The following SMARCC2 variants were observed in gnomAD, a reference collection of about 807,000 sequenced individuals.
SMARCC2 encodes the protein SWI/SNF complex subunit SMARCC2.
In SMARCC2, 15 loss-of-function variants were observed where a neutral mutation model predicts 151.3. The ratio of observed to expected loss-of-function variants is 0.10; its 90% CI spans 0.07 to 0.15. The LOEUF is 0.15. Ranked by LOEUF, SMARCC2 falls within the 10% of genes least tolerant of loss-of-function variation. The pLI, the probability that SMARCC2 is intolerant of heterozygous loss-of-function variation, is 1.00. For missense variants in SMARCC2, 1,031 were observed against 1,599.7 expected (o/e 0.64, Z 6.06); for synonymous variants, 590 against 609.5 (o/e 0.97, Z 0.47).
At chr12:56,177,304 G>A (rs1875221987) in intron 15 of SMARCC2, among the ~76,000 whole-genome samples, 3 of 152,180 alleles carry the variant, frequency 2.0e-5, no homozygotes, top group Admixed American at 2.0e-4. Context: ...GAGAGCAGTG[G>A]TGTGATCATG....
At chr12:56,173,437 T>C (rs1303776626) in intron 17 of SMARCC2, among the ~76,000 whole-genome samples, 1 of 152,194 alleles carries the variant, frequency 6.6e-6, no homozygotes, top group Non-Finnish European at 1.5e-5. Context: ...CATTTTTCTC[T>C]ATTGACTCCC....
intron 3 of SMARCC2, 101 bp downstream of exon 3, chr12:56,186,052 TAA>T: frequency 1.1e-6 from 1 of 876,136 alleles, no homozygotes; most frequent in Non-Finnish European, 1.9e-6. Context: ...CCCAGCAAAA[TAA>T]AGAGACTCAC....
chr12:56,188,701 T>C (rs890450865), intron 1 of SMARCC2, among the ~76,000 whole-genome samples: 1 of 152,174 alleles, frequency 6.6e-6, no homozygotes, highest in Admixed American at 6.5e-5. Flanking sequence ...GACTTCATTG[T>C]AAAATCGAGG....
intron 16 of SMARCC2, 68 bp from the exon 17 acceptor site, chr12:56,173,917 T>G: frequency 6.8e-7 from 1 of 1,480,690 alleles, no homozygotes; most frequent in Non-Finnish European, 9.2e-7. Flanking sequence ...AGAGGAAAAG[T>G]GGGGGGTAGA....
chr12:56,169,908 G>T lies in SMARCC2; in HGVS notation c.2416C>A (p.Pro806Thr). ...ATDEKKEPKE[P>T]REGGGAIEEE... ...TCTATAGCACCCCCTCCTTCTCGGG[G>T]TTCCTGAAATTCCAGTGATAGAAAA... The change falls in exon 24 of 29, where the codon CCC becomes ACC. Residue 806 changes from proline to threonine, a missense_variant. By Grantham distance (38) the Pro-to-Thr change is conservative (BLOSUM62 -1). Coordinates refer to ENST00000550164, the MANE Select transcript of SMARCC2 (RefSeq NM_001330288.2). 1 of 1,613,420 alleles carries T rather than the reference G, an allele frequency of 6.2e-7. No individual in the cohort carries two copies.
At chr12:56,186,348 C>T (rs1877243026) in intron 2 of SMARCC2, 108 bp from the exon 3 acceptor site, 1 of 675,802 alleles carries the variant, frequency 1.5e-6, no homozygotes, top group South Asian at 1.8e-5. Flanking sequence ...AATTGATCTC[C>T]CTTTTTTTTT....
intron 26 of SMARCC2, among the ~76,000 whole-genome samples, chr12:56,166,454 G>A (rs1872780718): frequency 2.0e-5 from 3 of 151,564 alleles, no homozygotes; most frequent in African/African-American, 7.3e-5. Context: ...CCCGGCTGAT[G>A]TGCAATCTCT....
chr12:56,187,438 C>A, intron 1 of SMARCC2, 132 bp from the exon 2 acceptor site: 1 of 852,082 alleles, frequency 1.2e-6, no homozygotes. Context: ...CATTTAGTCT[C>A]TATAAAGAAA....
chr12:56,167,889 AACAC>A (rs57344405), intron 26 of SMARCC2, among the ~76,000 whole-genome samples, 167 bp downstream of exon 26: 1 of 132,556 alleles, frequency 7.5e-6, no homozygotes, highest in Non-Finnish European at 1.6e-5. Context: ...CTTTCACTGA[AACAC>A]ACACACACAC....
intron 1 of SMARCC2, among the ~76,000 whole-genome samples, chr12:56,188,805 G>A (rs1326562423): frequency 6.6e-6 from 1 of 152,166 alleles, no homozygotes; most frequent in Non-Finnish European, 1.5e-5. Flanking sequence ...GGGATGAGCG[G>A]CGGAGACAGG....
chr12:56,189,064 T>G (rs995409869), intron 1 of SMARCC2, among the ~76,000 whole-genome samples: 35 of 147,192 alleles, frequency 2.4e-4, no homozygotes, highest in African/African-American at 8.4e-4. Flanking sequence ...GGGCGATGGC[T>G]GAGGGGAAGG....
intron 20 of SMARCC2, 152 bp downstream of exon 20, chr12:56,172,276 C>T (rs1874096296): frequency 1.5e-6 from 1 of 664,524 alleles, no homozygotes; most frequent in African/African-American, 1.8e-5. Flanking sequence ...GAGACGGAGT[C>T]TCACTATGTT....
At position 56,189,420 on chromosome 12, in the gene SMARCC2, G is replaced by A. The variant is rs1258115410; in HGVS notation, c.42C>T (p.Tyr14=). Residue 14 remains tyrosine (Y), a synonymous_variant, in exon 1 of 29, where the codon TAC becomes TAT. Coordinates refer to ENST00000550164, the MANE Select transcript of SMARCC2 (RefSeq NM_001330288.2). ...RKKDGGPNVK[Y]YEAADTVTQF... is the part of the protein sequence containing the mutation. ...GGGTCACGGTGTCCGCGGCCTCGTA[G>A]TACTTCACGTTGGGGCCGCCGTCCT... The A allele has an allele frequency of 1.3e-6, 2 of 1,522,000 alleles. No homozygotes were observed. The highest frequency in any genetic ancestry group is 1.4e-5 in the African/African-American group (1 of 69,918). 94.3% of individuals were successfully genotyped at this position (1,522,000 alleles called of 1,614,324 possible).
intron 1 of SMARCC2, among the ~76,000 whole-genome samples, chr12:56,188,411 A>G (rs1877688892): frequency 6.6e-6 from 1 of 152,214 alleles, no homozygotes; most frequent in Admixed American, 6.5e-5. Flanking sequence ...CAAAGCCGGC[A>G]GGAAGAACTG....
Position 56,163,773 on chromosome 12 carries a change from GA to G in SMARCC2, c.3662-9del. On this transcript the variant is annotated splice_polypyrimidine_tract_variant and intron_variant, in intron 28 of 28. Transcript: ENST00000550164. The stretch of plus-strand genomic sequence containing the variant: ...GCAGGGGGGTGCCTGGGTCTGTGGA[GA>G]AAAGGAAGATAAATCAGTTAGAGTA... The G allele has an allele frequency of 6.6e-7, 1 of 1,509,994 alleles. No individual in the cohort carries two copies. Among genetic ancestry groups the G allele is most frequent in the Non-Finnish European group, 8.8e-7 (1 of 1,137,976 alleles). The allele number at this position is 1,509,994 out of a possible 1,614,324, so 93.5% of individuals were successfully genotyped here.
intron 22 of SMARCC2, among the ~76,000 whole-genome samples, chr12:56,170,701 C>T (rs1298969210): frequency 6.6e-6 from 1 of 150,920 alleles, no homozygotes; most frequent in Admixed American, 6.6e-5. Context: ...AGGCATGAGC[C>T]ACTGCACCCA....
chr12:56,178,305 A>G, intron 14 of SMARCC2, 99 bp downstream of exon 14: 1 of 1,434,828 alleles, frequency 7.0e-7, no homozygotes, highest in Non-Finnish European at 9.8e-7. Flanking sequence ...TTGGGTGAGG[A>G]AAAAATAACT....
intron 10 of SMARCC2, 149 bp from the exon 11 acceptor site, chr12:56,181,250 T>C: frequency 2.6e-6 from 2 of 764,382 alleles, no homozygotes; most frequent in Non-Finnish European, 4.2e-6. Flanking sequence ...TAATGGGAAG[T>C]GGCAAAGGCT....
chr12:56,177,221 G>A (rs1875192491), intron 15 of SMARCC2, among the ~76,000 whole-genome samples: 2 of 152,200 alleles, frequency 1.3e-5, no homozygotes, highest in Admixed American at 1.3e-4. Flanking sequence ...TGGGATTACA[G>A]GCGTGAGCCA....
Sources: gnomAD v4.1 joint callset for allele counts (sites outside exome capture counted in the v4.1 genomes callset) on GRCh38, gnomAD v4.1.1 for gene constraint, MANE v1.5 for transcripts, NCBI Gene and HGNC (gene_info 2026-07-23, HGNC 2026-07-21) for gene names.